PDE8A: variants seen among roughly 807,000 people sequenced by gnomAD.
PDE8A encodes high affinity cAMP-specific and IBMX-insensitive 3',5'-cyclic phosphodiesterase 8A.
In PDE8A, 59 loss-of-function variants were observed where a neutral mutation model predicts 105.0. That is an observed-to-expected ratio of 0.56 (90% CI 0.46 to 0.70). The LOEUF (loss-of-function observed/expected upper bound fraction) is 0.70, where lower values mean the gene tolerates loss of function less well. PDE8A is among the 30% of genes least tolerant of loss of function. The probability of loss-of-function intolerance (pLI) is 0.00; values close to 1 mark genes in which losing one functional copy is unlikely to be tolerated. For synonymous variants in PDE8A, 355 were observed against 371.9 expected (o/e 0.95, Z 0.52); for missense variants, 1,014 against 1,045.9 (o/e 0.97, Z 0.42).
Position 85,083,571 on chromosome 15 carries a change from C to A in PDE8A, c.562C>A (p.Pro188Thr), listed in dbSNP as rs781658108. ...CTGTTTGTAGAGGTATGTAGAAAAC[C>A]CCAACATCATGGCCTGCTACAATGA... is the stretch of plus-strand genomic sequence containing the variant. ...AGFTRRYVENPNIMACYNELL... is the reference protein window; with the variant it reads ...AGFTRRYVENTNIMACYNELL... Residue 188 changes from proline to threonine, a missense_variant, in exon 6 of 22, where the codon CCC (proline) becomes ACC (threonine). Transcript: ENST00000394553. 2 of 1,611,136 alleles carry A rather than the reference C, an allele frequency of 1.2e-6. No individual in the cohort carries two copies. Among genetic ancestry groups the A allele is most frequent in the African/African-American group, 2.7e-5 (2 of 74,766 alleles).
chr15:85,020,879 T>C (rs973399782), intron 1 of PDE8A, among the ~76,000 whole-genome samples: 4 of 152,214 alleles, frequency 2.6e-5, no homozygotes, highest in Admixed American at 1.3e-4. Context: ...TTATCAATAC[T>C]GTTACCAAGA....
intron 1 of PDE8A, among the ~76,000 whole-genome samples, chr15:85,004,866 C>G (rs2080121348): frequency 7.6e-6 from 1 of 131,280 alleles, no homozygotes; most frequent in South Asian, 2.3e-4. Flanking sequence ...TTTTTTTTAC[C>G]TTTAGACAAT....
chr15:85,003,807 T>A (rs2080103599), intron 1 of PDE8A, among the ~76,000 whole-genome samples: 2 of 152,228 alleles, frequency 1.3e-5, no homozygotes, highest in African/African-American at 4.8e-5. Context: ...TGCTCATCAC[T>A]TCTCATTTTA....
intron 1 of PDE8A, among the ~76,000 whole-genome samples, chr15:84,996,207 C>T (rs1029839477): frequency 2.0e-5 from 3 of 151,124 alleles, no homozygotes; most frequent in Non-Finnish European, 4.4e-5. Flanking sequence ...TTTTTAGAGC[C>T]AGGGTCTTGC....
At chr15:85,071,482 G>T (rs1362774185) in intron 3 of PDE8A, among the ~76,000 whole-genome samples, 1 of 152,224 alleles carries the variant, frequency 6.6e-6, no homozygotes, top group Non-Finnish European at 1.5e-5. Flanking sequence ...AGGGACAGAG[G>T]TATAAGGAAC....
At chr15:85,016,311 AT>A (rs1220888843) in intron 1 of PDE8A, among the ~76,000 whole-genome samples, 1 of 151,912 alleles carries the variant, frequency 6.6e-6, no homozygotes, top group African/African-American at 2.4e-5. Flanking sequence ...CAATGGTTTT[AT>A]TTTTCACATT....
chr15:85,099,882 A>C (rs890925889), intron 9 of PDE8A, 133 bp from the exon 10 acceptor site: 1 of 701,492 alleles, frequency 1.4e-6, no homozygotes, highest in African/African-American at 1.8e-5. Context: ...CCTTGGTCAC[A>C]GTGAGAAGAA....
intron 18 of PDE8A, among the ~76,000 whole-genome samples, chr15:85,122,542 A>G (rs1353559145): frequency 6.6e-6 from 1 of 152,232 alleles, no homozygotes; most frequent in Admixed American, 6.5e-5. Flanking sequence ...TTTCTACTCA[A>G]CTGCAGAAAA....
chr15:85,011,452 A>C (rs946773974), intron 1 of PDE8A, among the ~76,000 whole-genome samples: 10 of 152,176 alleles, frequency 6.6e-5, no homozygotes, highest in Non-Finnish European at 1.3e-4. Context: ...TTATTTGTAA[A>C]GTGGTGGTAG....
chr15:85,051,003 A>C (rs1209988619), intron 1 of PDE8A, among the ~76,000 whole-genome samples: 1 of 152,132 alleles, frequency 6.6e-6, no homozygotes, highest in Non-Finnish European at 1.5e-5. Flanking sequence ...TTGTAGTTTC[A>C]CTTGTACAAA....
At chr15:85,037,937 A>G (rs1055322021) in intron 1 of PDE8A, among the ~76,000 whole-genome samples, 1 of 152,230 alleles carries the variant, frequency 6.6e-6, no homozygotes, top group South Asian at 2.1e-4. Context: ...CCTTGTAGAT[A>G]TACAAATTGT....
chr15:85,075,855 T>G lies in PDE8A; in HGVS notation c.435-7T>G. 2.0e-6 allele frequency: 3 copies of G among 1,474,362 alleles called. No homozygotes were observed. Among genetic ancestry groups the G allele is most frequent in the Non-Finnish European group, 2.8e-6 (3 of 1,070,754 alleles). 91.3% of individuals were successfully genotyped at this position (1,474,362 alleles called of 1,614,324 possible). A position where few individuals can be genotyped will look rare whatever the true frequency, so the allele number is the denominator to read the frequency against. Reference sequence around the variant, plus strand: ...TATTTATTTTAAAGTTTTGTGTTTTTTTTAAGGTCTATCAGATCATCAAAA... The same window carrying G: ...TATTTATTTTAAAGTTTTGTGTTTTGTTTAAGGTCTATCAGATCATCAAAA... On this transcript the variant is annotated splice_polypyrimidine_tract_variant and splice_region_variant and intron_variant, in intron 3 of 21. Coordinates refer to ENST00000394553, the MANE Select transcript of PDE8A (RefSeq NM_002605.3).
At chr15:84,997,583 C>T (rs1054205991) in intron 1 of PDE8A, among the ~76,000 whole-genome samples, 6 of 151,516 alleles carry the variant, frequency 4.0e-5, no homozygotes, top group African/African-American at 1.5e-4. Flanking sequence ...CTAATGCTGC[C>T]ATGTACATCT....
chr15:85,032,234 A>G (rs150833989), intron 1 of PDE8A, among the ~76,000 whole-genome samples: 200 of 152,324 alleles, frequency 1.3e-3, no homozygotes, highest in African/African-American at 4.6e-3. Flanking sequence ...GTTTGACACC[A>G]TAGTAGAAGC....
At chr15:85,126,397 T>C in intron 20 of PDE8A, 23 bp downstream of exon 20, 1 of 1,502,868 alleles carries the variant, frequency 6.7e-7, no homozygotes, top group African/African-American at 1.4e-5. Context: ...CTCTTTTAAG[T>C]TTCTAGAGAG....
intron 1 of PDE8A, among the ~76,000 whole-genome samples, chr15:84,994,471 C>G (rs1053321141): frequency 1.3e-5 from 2 of 152,178 alleles, no homozygotes; most frequent in African/African-American, 4.8e-5. Context: ...TGCCTTGTGG[C>G]TGTTTACTGT....
intron 3 of PDE8A, among the ~76,000 whole-genome samples, chr15:85,069,018 A>G (rs1201682587): frequency 2.6e-5 from 4 of 152,200 alleles, no homozygotes. Context: ...TGAGCTATGT[A>G]CAAGAGAATG....
At chr15:85,008,516 T>A (rs2080185914) in intron 1 of PDE8A, among the ~76,000 whole-genome samples, 1 of 151,832 alleles carries the variant, frequency 6.6e-6, no homozygotes, top group South Asian at 2.1e-4. Context: ...CTGGGCCCCA[T>A]TTTTAATAAC....
At chr15:85,034,838 A>G (rs117043829) in intron 1 of PDE8A, among the ~76,000 whole-genome samples, 4 of 152,388 alleles carry the variant, frequency 2.6e-5, no homozygotes, top group East Asian at 3.9e-4. Flanking sequence ...GGCATGAGCC[A>G]TGAAACCTGG....
Sources: allele counts gnomAD v4.1 joint callset (sites outside exome capture counted in the v4.1 genomes callset), GRCh38; gene constraint gnomAD v4.1.1; transcripts MANE v1.5; gene names NCBI Gene and HGNC (gene_info 2026-07-23, HGNC 2026-07-21).